Variants in TAFA2 observed in about 807,000 individuals in gnomAD.
The protein encoded by TAFA2 is TAFA chemokine like family member 2, also known as chemokine-like protein TAFA-2.
A neutral mutation model predicts 18.8 loss-of-function variants in TAFA2; 7 were observed. The observed-to-expected ratio is 0.37, with a 90% CI of 0.21 to 0.70. The LOEUF is 0.70. Ranked by LOEUF, TAFA2 falls within the 30% of genes least tolerant of loss-of-function variation. The pLI, the probability that TAFA2 is intolerant of heterozygous loss-of-function variation, is 0.53. For synonymous variants in TAFA2, 60 were observed against 54.2 expected (o/e 1.11, Z -0.47); for missense variants, 122 against 158.1 (o/e 0.77, Z 1.23).
intron 1 of TAFA2, among the ~76,000 whole-genome samples, chr12:61,924,963 A>G (rs1277005232): frequency 6.6e-6 from 1 of 152,172 alleles, no homozygotes; most frequent in African/African-American, 2.4e-5. Context: ...CAGATTTTAA[A>G]CCAAGAAAGG....
intron 1 of TAFA2, among the ~76,000 whole-genome samples, chr12:62,144,049 A>T (rs2062260646): frequency 5.1e-4 from 2 of 3,952 alleles, no homozygotes; most frequent in Non-Finnish European, 1.1e-3. Flanking sequence ...CCCTATCTTA[A>T]AAAAAAAAAA....
chr12:61,849,969 C>CA (rs1873574080), intron 2 of TAFA2, among the ~76,000 whole-genome samples: 1 of 151,926 alleles, frequency 6.6e-6, no homozygotes, highest in East Asian at 1.9e-4. Flanking sequence ...TCATTAATGA[C>CA]AAAAAATAGC....
intron 1 of TAFA2, among the ~76,000 whole-genome samples, chr12:62,086,299 A>T (rs1430727547): frequency 6.6e-6 from 1 of 152,146 alleles, no homozygotes; most frequent in Non-Finnish European, 1.5e-5. Context: ...GGTAATTTGG[A>T]TTTCCTCAAG....
chr12:62,087,805 T>A (rs190348977), intron 1 of TAFA2, among the ~76,000 whole-genome samples: 15 of 152,180 alleles, frequency 9.9e-5, no homozygotes, highest in African/African-American at 3.6e-4. Context: ...TTGAAGCAGA[T>A]CCATTAGGAG....
In TAFA2 at chr12:61,724,794, T is replaced by TATATGTATATACACCAGATGG. The variant is rs1255469826; in HGVS notation, c.385-14378_385-14377insCCATCTGGTGTATATACATAT. ...GTGTGTGTGTGTGTGTGTGTGTGTG[T>TATATGTATATACACCAGATGG]GTGTGTGTATACACCAGATGGGTGT... On this transcript the variant is annotated intron_variant, in intron 4 of 4. Coordinates refer to ENST00000416284, the MANE Select transcript of TAFA2 (RefSeq NM_178539.5). Among the ~76,000 whole-genome samples the TATATGTATATACACCAGATGG allele has an allele frequency of 1.6e-4, 21 of 128,930 alleles. No homozygotes were observed. In the South Asian group the frequency reaches 1.7e-3, roughly 11 times the overall value. The allele number at this position is 128,930 out of a possible 152,430, so 84.6% of individuals were successfully genotyped here.
At chr12:61,961,401 A>G (rs993925282) in intron 1 of TAFA2, among the ~76,000 whole-genome samples, 1 of 152,020 alleles carries the variant, frequency 6.6e-6, no homozygotes, top group Admixed American at 6.6e-5. Flanking sequence ...TTAAAGTTCC[A>G]TAGCTGTGGT....
In TAFA2 at chr12:62,123,160, C is replaced by T. The variant is rs554495586; in HGVS notation, c.-2+68099G>A. Among the ~76,000 whole-genome samples, 7 of 152,224 alleles carry T rather than the reference C, an allele frequency of 4.6e-5. No individual in the cohort carries two copies. In the East Asian group the frequency reaches 7.7e-4, roughly 17 times the overall value. The stretch of plus-strand genomic sequence containing the variant: ...TATACTCAGCCACATTTAAGTTTAT[C>T]GAGGACAGAAAACAGCTTTTATTCC... On this transcript the variant is annotated intron_variant, in intron 1 of 4. Coordinates refer to ENST00000416284, the MANE Select transcript of TAFA2 (RefSeq NM_178539.5).
chr12:61,962,999 G>A (rs927994700), intron 1 of TAFA2, among the ~76,000 whole-genome samples: 9 of 152,034 alleles, frequency 5.9e-5, no homozygotes, highest in Non-Finnish European at 8.8e-5. Flanking sequence ...TCCCGTCTTA[G>A]TTTGCTGAGA....
intron 2 of TAFA2, among the ~76,000 whole-genome samples, chr12:61,831,673 A>C (rs7963045): frequency 0.29 from 44,569 of 151,434 alleles, 6,974 homozygotes; most frequent in South Asian, 0.4. Context: ...CTTCGATTAA[A>C]CTCTTTAGCT....
At chr12:61,812,072 C>T (rs780065868) in intron 2 of TAFA2, among the ~76,000 whole-genome samples, 4 of 151,364 alleles carry the variant, frequency 2.6e-5, no homozygotes, top group Admixed American at 2.6e-4. Context: ...ACTCAAAAAT[C>T]TCATGGGGCC....
At chr12:62,144,447 C>A (rs2062266477) in intron 1 of TAFA2, among the ~76,000 whole-genome samples, 1 of 151,472 alleles carries the variant, frequency 6.6e-6, no homozygotes, top group Non-Finnish European at 1.5e-5. Context: ...ATGATTCTAT[C>A]CCTCCCTCCA....
chr12:61,849,343 GT>G (rs1873544914), intron 2 of TAFA2, among the ~76,000 whole-genome samples: 1 of 152,120 alleles, frequency 6.6e-6, no homozygotes, highest in South Asian at 2.1e-4. Flanking sequence ...CTTTGAATCT[GT>G]TTATTCTACA....
In TAFA2 at chr12:62,162,093, T is replaced by G. The variant is rs139181718; in HGVS notation, c.-2+29166A>C. ...AATCCTTCTAAATGCTAAATAAGACTTTTGCTAGTTTTAAGACTCAGGAAT... is the reference window on the plus strand; with the variant it reads ...AATCCTTCTAAATGCTAAATAAGACGTTTGCTAGTTTTAAGACTCAGGAAT... On this transcript the variant is annotated intron_variant, in intron 1 of 4. Coordinates refer to ENST00000416284, the MANE Select transcript of TAFA2 (RefSeq NM_178539.5). Among the ~76,000 whole-genome samples, 1,092 of 152,280 alleles carry G rather than the reference T, an allele frequency of 7.2e-3. 12 individuals are homozygous for G. Among genetic ancestry groups the G allele is most frequent in the Non-Finnish European group, 7.5e-3 (508 of 68,026 alleles).
intron 1 of TAFA2, among the ~76,000 whole-genome samples, chr12:62,048,822 T>A (rs1030418200): frequency 1.3e-5 from 2 of 152,108 alleles, no homozygotes; most frequent in Non-Finnish European, 2.9e-5. Flanking sequence ...GCATAGCAAA[T>A]GACAGCACGA....
At chr12:62,250,501 T>A (rs1565788449) in intron 1 of TAFA2, among the ~76,000 whole-genome samples, 1 of 152,156 alleles carries the variant, frequency 6.6e-6, no homozygotes. Context: ...TATAGATGTG[T>A]GTGGGTGTGT....
At chr12:61,720,571 C>T in intron 4 of TAFA2, 1 of 183,516 alleles carries the variant, frequency 5.4e-6, no homozygotes. Context: ...TGCCCTCTGA[C>T]TCCCTAAAGC....
At chr12:61,968,160 C>A (rs1287336380) in intron 1 of TAFA2, among the ~76,000 whole-genome samples, 1 of 151,704 alleles carries the variant, frequency 6.6e-6, no homozygotes, top group Non-Finnish European at 1.5e-5. Flanking sequence ...ATTTCAAAAA[C>A]TTCATTTCTG....
chr12:61,856,462 A>G (rs1873888944), intron 2 of TAFA2, among the ~76,000 whole-genome samples: 1 of 152,078 alleles, frequency 6.6e-6, no homozygotes, highest in African/African-American at 2.4e-5. Flanking sequence ...ATTGGAAAAG[A>G]TTAAATAGAA....
chr12:61,712,773 T>C (rs1437279241), intron 4 of TAFA2, among the ~76,000 whole-genome samples: 1 of 151,344 alleles, frequency 6.6e-6, no homozygotes, highest in African/African-American at 2.4e-5. Flanking sequence ...ATAAATCATT[T>C]CTAATATTAG....
Sources: allele counts gnomAD v4.1 joint callset (sites outside exome capture counted in the v4.1 genomes callset), GRCh38; gene constraint gnomAD v4.1.1; transcripts MANE v1.5; gene names NCBI Gene and HGNC (gene_info 2026-07-23, HGNC 2026-07-21).